The following GPHN variants were observed in gnomAD, a reference collection of about 807,000 sequenced individuals.
GPHN encodes gephyrin.
GPHN carries 17 observed loss-of-function variants against 95.5 expected under a neutral mutation model. That is an observed-to-expected ratio of 0.18 (90% CI 0.12 to 0.27). GPHN has a LOEUF of 0.27. GPHN is among the 10% of genes least tolerant of loss of function. GPHN has a pLI of 1.00. For missense variants in GPHN, 660 were observed against 978.1 expected (o/e 0.67, Z 4.34); for synonymous variants, 320 against 322.5 (o/e 0.99, Z 0.08).
chr14:67,180,703 G>A (rs2083283979), intron 22 of GPHN, 101 bp from the exon 23 acceptor site: 1 of 1,135,316 alleles, frequency 8.8e-7, no homozygotes, highest in East Asian at 2.5e-5. Context: ...TCCTCTTGAA[G>A]ACCCGCATTT....
rs949322043 is a variant in GPHN, at chr14:66,508,321, C to G, written c.-207C>G. 2.1e-5 allele frequency: 13 copies of G among 609,694 alleles called. No individual in the cohort carries two copies. Among genetic ancestry groups the G allele is most frequent in the Non-Finnish European group, 3.8e-5 (13 of 341,650 alleles). 37.8% of individuals were successfully genotyped at this position (609,694 alleles called of 1,614,324 possible). On this transcript the variant is annotated 5_prime_UTR_variant, in exon 1 of 23. Transcript: ENST00000478722. The stretch of plus-strand genomic sequence containing the variant: ...GGGCCGCGCGCCCTGACTCCTTCCC[C>G]TCCCGCGGACCCGCGCACTCCCGGC...
chr14:66,609,791 C>T (rs890616349), intron 1 of GPHN, among the ~76,000 whole-genome samples: 5 of 152,148 alleles, frequency 3.3e-5, no homozygotes, highest in East Asian at 3.9e-4. Flanking sequence ...AAGTTCAGTT[C>T]GGTTCTTTTT....
chr14:67,039,666 T>C (rs951192425), intron 10 of GPHN, among the ~76,000 whole-genome samples: 1 of 152,104 alleles, frequency 6.6e-6, no homozygotes, highest in Non-Finnish European at 1.5e-5. Context: ...TGGTGGCACA[T>C]GCTGTAGTCT....
chr14:67,181,021 C>A lies in GPHN; in HGVS notation c.*84C>A. ...AATATGCAACGGCACAGCTAGTTTT[C>A]CCGATTTGGATAAAAGTTGATCTGT... On this transcript the variant is annotated 3_prime_UTR_variant, in exon 23 of 23. Transcript: ENST00000478722. 7.5e-7 allele frequency: 1 copy of A among 1,341,620 alleles called. No individual in the cohort carries two copies. Among genetic ancestry groups the A allele is most frequent in the Non-Finnish European group, 1.1e-6 (1 of 936,442 alleles). The allele number at this position is 1,341,620 out of a possible 1,614,324, so 83.1% of individuals were successfully genotyped here. A position where few individuals can be genotyped will look rare whatever the true frequency, so the allele number is the denominator to read the frequency against.
chr14:66,547,378 A>G (rs548176236), intron 1 of GPHN, among the ~76,000 whole-genome samples: 4 of 152,192 alleles, frequency 2.6e-5, no homozygotes, highest in African/African-American at 9.7e-5. Flanking sequence ...GGTCTTTTCT[A>G]TTGATTAAAA....
intron 2 of GPHN, among the ~76,000 whole-genome samples, chr14:66,710,231 T>C (rs2069487331): frequency 6.6e-6 from 1 of 152,206 alleles, no homozygotes; most frequent in African/African-American, 2.4e-5. Flanking sequence ...ATAATAGAAT[T>C]GCTTTTGCAA....
chr14:67,436,574 G>A, the GPHN span, among the ~76,000 whole-genome samples: 2 of 152,156 alleles, frequency 1.3e-5, no homozygotes, highest in African/African-American at 4.8e-5. Context: ...GGACACCAGA[G>A]TGGGCATTAG....
At chr14:66,589,913 T>C (rs2061571831) in intron 1 of GPHN, among the ~76,000 whole-genome samples, 1 of 152,108 alleles carries the variant, frequency 6.6e-6, no homozygotes, top group African/African-American at 2.4e-5. Context: ...TATTCTAAAA[T>C]TGACCACATA....
At chr14:67,372,672 A>T in the GPHN span, among the ~76,000 whole-genome samples, 1 of 152,062 alleles carries the variant, frequency 6.6e-6, no homozygotes, top group African/African-American at 2.4e-5. Context: ...CTACTAAAAT[A>T]TAAAAAATTA....
At chr14:67,118,845 C>G (rs1038071408) in intron 16 of GPHN, among the ~76,000 whole-genome samples, 1 of 151,988 alleles carries the variant, frequency 6.6e-6, no homozygotes, top group Non-Finnish European at 1.5e-5. Context: ...TTATATTTTT[C>G]TTCTCAAGTG....
At chr14:67,195,927 G>A in the GPHN span, among the ~76,000 whole-genome samples, 1 of 152,094 alleles carries the variant, frequency 6.6e-6, no homozygotes, top group African/African-American at 2.4e-5. Context: ...TGAGACTACA[G>A]GTGCATGCCA....
intron 2 of GPHN, among the ~76,000 whole-genome samples, chr14:66,703,445 C>T (rs780455537): frequency 3.2e-4 from 49 of 152,314 alleles, no homozygotes; most frequent in Non-Finnish European, 4.3e-4. Context: ...TAGCGTAACT[C>T]TCAGCAGAAA....
Position 66,958,160 on chromosome 14 carries a change from T to G in GPHN, c.829-7031T>G, listed in dbSNP as rs182584190. Among the ~76,000 whole-genome samples the G allele has an allele frequency of 9.9e-4, 150 of 152,276 alleles. 1 individual carries two copies. In the Middle Eastern group the frequency reaches 0.017, roughly 17 times the overall value. On this transcript the variant is annotated intron_variant, in intron 8 of 22. Coordinates refer to ENST00000478722, the MANE Select transcript of GPHN (RefSeq NM_020806.5). ...GTTTTTCTCTCTTCATTATTATCAGTTTTTGCTTTATGTATTTTTTTAATA... is the reference window on the plus strand; with the variant it reads ...GTTTTTCTCTCTTCATTATTATCAGGTTTTGCTTTATGTATTTTTTTAATA...
At chr14:67,264,806 G>A in the GPHN span, among the ~76,000 whole-genome samples, 3 of 152,112 alleles carry the variant, frequency 2.0e-5, no homozygotes, top group African/African-American at 7.2e-5. Context: ...AGTTACAGAT[G>A]TGTTATATAT....
At chr14:66,551,024 T>G (rs1167463284) in intron 1 of GPHN, 1 of 154,452 alleles carries the variant, frequency 6.5e-6, no homozygotes, top group Non-Finnish European at 1.4e-5. Context: ...GCCTGGCTAA[T>G]TTTTTGTATT....
At chr14:67,062,472 G>A (rs1427050046) in intron 11 of GPHN, among the ~76,000 whole-genome samples, 1 of 152,188 alleles carries the variant, frequency 6.6e-6, no homozygotes, top group Non-Finnish European at 1.5e-5. Flanking sequence ...TTGAAGCTGT[G>A]ACATCTCTAA....
At chr14:67,062,791 T>G (rs964040960) in intron 11 of GPHN, among the ~76,000 whole-genome samples, 6 of 152,216 alleles carry the variant, frequency 3.9e-5, no homozygotes, top group African/African-American at 1.2e-4. Context: ...TAAATTTGTT[T>G]AAGTTCTTTT....
At chr14:66,574,810 C>T (rs944754613) in intron 1 of GPHN, among the ~76,000 whole-genome samples, 76 of 152,142 alleles carry the variant, frequency 5.0e-4, no homozygotes, top group Admixed American at 1.8e-3. Context: ...GTCTCTGTCC[C>T]AGATCTGGGA....
intron 2 of GPHN, among the ~76,000 whole-genome samples, chr14:66,738,410 C>T (rs907479688): frequency 2.0e-5 from 3 of 152,094 alleles, no homozygotes; most frequent in Non-Finnish European, 4.4e-5. Context: ...TGTTAAGCTA[C>T]AAATATTTAT....
Sources: gnomAD v4.1 joint callset for allele counts (sites outside exome capture counted in the v4.1 genomes callset) on GRCh38, gnomAD v4.1.1 for gene constraint, MANE v1.5 for transcripts, NCBI Gene and HGNC (gene_info 2026-07-23, HGNC 2026-07-21) for gene names.